RAB38: variants seen among roughly 807,000 people sequenced by gnomAD.
RAB38 encodes RAB38, member RAS oncogene family.
RAB38 carries 15 observed loss-of-function variants against 18.4 expected under a neutral mutation model. The ratio of observed to expected loss-of-function variants is 0.82; its 90% CI spans 0.55 to 1.26. RAB38 has a LOEUF of 1.26. Among genes scored for constraint, RAB38 ranks in the 50% most tolerant of loss-of-function variants. RAB38 has a pLI of 0.00. For synonymous variants in RAB38, 101 were observed against 104.4 expected (o/e 0.97, Z 0.20); for missense variants, 294 against 267.4 (o/e 1.10, Z -0.69).
At chr11:88,070,142 A>G in the RAB38 span, among the ~76,000 whole-genome samples, 2 of 152,172 alleles carry the variant, frequency 1.3e-5, no homozygotes, top group Admixed American at 6.5e-5. Context: ...ACACTGCTTT[A>G]TGAGCTGTAA....
intron 2 of RAB38, among the ~76,000 whole-genome samples, chr11:88,127,576 T>C (rs1942714589): frequency 6.6e-6 from 1 of 152,240 alleles, no homozygotes; most frequent in Admixed American, 6.5e-5. Context: ...GTGTGTTTTT[T>C]ATACCCTCAC....
the RAB38 span, among the ~76,000 whole-genome samples, chr11:87,847,342 T>C: frequency 4.6e-5 from 7 of 152,098 alleles, no homozygotes; most frequent in Non-Finnish European, 5.9e-5. Flanking sequence ...CTCTATACAT[T>C]AAAAGAACAA....
the RAB38 span, among the ~76,000 whole-genome samples, chr11:87,925,146 G>A: frequency 6.6e-6 from 1 of 151,994 alleles, no homozygotes; most frequent in African/African-American, 2.4e-5. Flanking sequence ...CCTGCCTTGA[G>A]CATCCACCAA....
chr11:87,961,593 C>T, the RAB38 span, among the ~76,000 whole-genome samples: 1 of 152,126 alleles, frequency 6.6e-6, no homozygotes, highest in Admixed American at 6.6e-5. Flanking sequence ...TGATTTTCTC[C>T]CCAAAAGTCA....
chr11:88,027,033 G>T, the RAB38 span, among the ~76,000 whole-genome samples: 1 of 152,054 alleles, frequency 6.6e-6, no homozygotes, highest in Non-Finnish European at 1.5e-5. Context: ...CACTGAGTTT[G>T]CTAAATTCAT....
chr11:88,088,250 GC>G, the RAB38 span, among the ~76,000 whole-genome samples: 2 of 152,068 alleles, frequency 1.3e-5, no homozygotes, highest in African/African-American at 4.8e-5. Context: ...TCCACCCACA[GC>G]ATCAATTATT....
the RAB38 span, among the ~76,000 whole-genome samples, chr11:87,945,294 A>G: frequency 6.6e-6 from 1 of 152,184 alleles, no homozygotes; most frequent in Non-Finnish European, 1.5e-5. Context: ...ATTAGTCTAA[A>G]GAAGTACATT....
the RAB38 span, among the ~76,000 whole-genome samples, chr11:87,845,130 C>G: frequency 1.3e-5 from 2 of 152,084 alleles, no homozygotes; most frequent in East Asian, 1.9e-4. Flanking sequence ...TAACAACATC[C>G]TGCAGATTGT....
At chr11:88,014,646 G>A in the RAB38 span, among the ~76,000 whole-genome samples, 6 of 152,062 alleles carry the variant, frequency 3.9e-5, no homozygotes, top group Admixed American at 3.9e-4. Flanking sequence ...TACCCTGCTG[G>A]CAAGGCCTGG....
chr11:87,849,403 G>C, the RAB38 span, among the ~76,000 whole-genome samples: 2 of 152,124 alleles, frequency 1.3e-5, no homozygotes, highest in Admixed American at 1.3e-4. Context: ...AGATCTGTTT[G>C]CTCAGCGCTG....
the RAB38 span, among the ~76,000 whole-genome samples, chr11:88,079,870 C>T: frequency 0.039 from 5,876 of 151,580 alleles, 132 homozygotes; most frequent in Middle Eastern, 0.068. Context: ...ACTCTTAATA[C>T]ACTAGGAATA....
In RAB38 at chr11:88,175,293, T is replaced by A; in HGVS notation, c.92A>T (p.His31Leu). Residue 31 changes from histidine (H) to leucine (L), a missense_variant, in exon 1 of 3, where the codon CAC (histidine) becomes CTC (leucine). By Grantham distance (99) the His-to-Leu change is moderately conservative. Transcript: ENST00000243662. The stretch of plus-strand genomic sequence containing the variant: ...CCGGTAGTGCGAAGAGAAGTTCTGG[T>A]GCACGTAGCGCTTGATGATACTGGT... ...GKTSIIKRYVHQNFSSHYRAT... is the reference protein window; with the variant it reads ...GKTSIIKRYVLQNFSSHYRAT... 6.2e-7 allele frequency: 1 copy of A among 1,614,204 alleles called. No homozygotes were observed. Among genetic ancestry groups the A allele is most frequent in the Non-Finnish European group, 8.5e-7 (1 of 1,180,018 alleles).
chr11:87,847,749 G>A, the RAB38 span, among the ~76,000 whole-genome samples: 3 of 151,996 alleles, frequency 2.0e-5, no homozygotes, highest in African/African-American at 4.8e-5. Flanking sequence ...TCAATTTAAC[G>A]TCAGCAGCCA....
At chr11:87,823,133 T>C in the RAB38 span, among the ~76,000 whole-genome samples, 1 of 152,194 alleles carries the variant, frequency 6.6e-6, no homozygotes, top group Non-Finnish European at 1.5e-5. Flanking sequence ...TTGAGTCATG[T>C]AATTAAGAAA....
chr11:87,905,726 T>G, the RAB38 span, among the ~76,000 whole-genome samples: 1 of 151,908 alleles, frequency 6.6e-6, no homozygotes, highest in Non-Finnish European at 1.5e-5. Context: ...AGGTATCCTT[T>G]GCCCAGCATT....
At chr11:87,823,447 T>C in the RAB38 span, among the ~76,000 whole-genome samples, 1 of 152,096 alleles carries the variant, frequency 6.6e-6, no homozygotes, top group Non-Finnish European at 1.5e-5. Flanking sequence ...TCAATGGATG[T>C]AGAACTGCTA....
chr11:88,110,516 T>C (rs1026632621), downstream of RAB38, among the ~76,000 whole-genome samples: 2 of 151,878 alleles, frequency 1.3e-5, no homozygotes, highest in African/African-American at 4.8e-5. Context: ...GAACCTAAAG[T>C]ATAAAAATAA....
At chr11:88,169,035 G>A (rs1166291068) in intron 1 of RAB38, among the ~76,000 whole-genome samples, 1 of 152,200 alleles carries the variant, frequency 6.6e-6, no homozygotes, top group Non-Finnish European at 1.5e-5. Context: ...ACTGGAGGAG[G>A]CAGAGATTAG....
the RAB38 span, among the ~76,000 whole-genome samples, chr11:87,826,966 T>C: frequency 1.3e-5 from 2 of 152,128 alleles, no homozygotes; most frequent in East Asian, 3.9e-4. Context: ...TCAGGCCTGG[T>C]TTGAGCCTGA....
Sources: allele counts gnomAD v4.1 joint callset (sites outside exome capture counted in the v4.1 genomes callset), GRCh38; gene constraint gnomAD v4.1.1; transcripts MANE v1.5; gene names NCBI Gene and HGNC (gene_info 2026-07-23, HGNC 2026-07-21).